The following PHKB variants were observed in gnomAD, a reference collection of about 807,000 sequenced individuals.
The protein encoded by PHKB is phosphorylase b kinase regulatory subunit beta.
A neutral mutation model predicts 152.1 loss-of-function variants in PHKB; 122 were observed. That is an observed-to-expected ratio of 0.80 (90% CI 0.69 to 0.93). The LOEUF (loss-of-function observed/expected upper bound fraction) is 0.93, where lower values mean the gene tolerates loss of function less well. PHKB is among the 40% of genes least tolerant of loss of function. The pLI is 0.00. For synonymous variants in PHKB, 436 were observed against 464.9 expected (o/e 0.94, Z 0.80); for missense variants, 1,304 against 1,328.4 (o/e 0.98, Z 0.29).
At chr16:47,587,621 A>G (rs1396979592) in intron 8 of PHKB, 47 bp from the exon 9 acceptor site, 2 of 1,421,910 alleles carry the variant, frequency 1.4e-6, no homozygotes, top group Admixed American at 1.7e-5. Flanking sequence ...AAGTTCTACA[A>G]GTCTTTTTTC....
chr16:47,662,622 C>T (rs1973463973), intron 23 of PHKB, among the ~76,000 whole-genome samples: 1 of 152,106 alleles, frequency 6.6e-6, no homozygotes, highest in Non-Finnish European at 1.5e-5. Context: ...TAAGAGATAA[C>T]CTTCTTCAGT....
At chr16:47,519,801 G>A (rs1418758588) in intron 6 of PHKB, among the ~76,000 whole-genome samples, 1 of 152,184 alleles carries the variant, frequency 6.6e-6, no homozygotes, top group Non-Finnish European at 1.5e-5. Context: ...ATTTTTAGCA[G>A]TAGTTTTTAG....
chr16:47,598,616 A>T (rs1972164751), intron 13 of PHKB: 2 of 1,191,236 alleles, frequency 1.7e-6, no homozygotes, highest in Non-Finnish European at 2.5e-6. Context: ...ATTTAATTAC[A>T]TCAGTTTCCC....
At chr16:47,605,065 G>GA (rs1392626314) in intron 13 of PHKB, among the ~76,000 whole-genome samples, 1 of 152,128 alleles carries the variant, frequency 6.6e-6, no homozygotes, top group Non-Finnish European at 1.5e-5. Context: ...ATGCAGTGGG[G>GA]AAAAAATGTG....
At chr16:47,565,135 A>C (rs1971543590) in intron 7 of PHKB, 2 of 533,892 alleles carry the variant, frequency 3.7e-6, no homozygotes, top group Non-Finnish European at 7.4e-6. Flanking sequence ...CGGAGACAGC[A>C]GCATACTTGC....
At chr16:47,623,840 G>T (rs924925822) in intron 14 of PHKB, among the ~76,000 whole-genome samples, 18 of 152,116 alleles carry the variant, frequency 1.2e-4, no homozygotes, top group African/African-American at 4.3e-4. Flanking sequence ...TTACAGGCGT[G>T]AGCCACCTCG....
chr16:47,698,516 A>G lies in PHKB; in HGVS notation c.3072A>G (p.Leu1024=). The G allele has an allele frequency of 6.2e-7, 1 of 1,611,164 alleles. No homozygotes were observed. The highest frequency in any genetic ancestry group is 8.5e-7 in the Non-Finnish European group (1 of 1,177,492). ...PELEFQDKVD[L]DRLVKEAFNE... is the part of the protein sequence containing the mutation. Reference sequence around the variant, plus strand: ...TAGAATTTCAAGACAAAGTAGATCTAGACAGACTGGTCAAAGAAGCATTTA... The same window carrying G: ...TAGAATTTCAAGACAAAGTAGATCTGGACAGACTGGTCAAAGAAGCATTTA... The change falls in exon 30 of 31, where the codon CTA becomes CTG. Residue 1024 remains leucine (L), a synonymous_variant. Transcript: ENST00000323584.
chr16:47,568,584 G>T (rs1163858250), intron 7 of PHKB, among the ~76,000 whole-genome samples: 2 of 151,880 alleles, frequency 1.3e-5, no homozygotes, highest in Non-Finnish European at 2.9e-5. Context: ...TTGGTTTGTT[G>T]TTTCTCTGGT....
Position 47,520,385 on chromosome 16 carries a change from T to C in PHKB, c.594+4784T>C, listed in dbSNP as rs367645874. 3.3e-5 allele frequency among the ~76,000 whole-genome samples: 5 copies of C among 152,368 alleles called. No individual in the cohort carries two copies. In the East Asian group the frequency reaches 7.7e-4, roughly 24 times the overall value. ...AACTCTGTCAGGTAGGTACAGTTAC[T>C]ATCTTCATTTTACAAATGACCAAAA... is the stretch of plus-strand genomic sequence containing the variant. On this transcript the variant is annotated intron_variant, in intron 6 of 30. Coordinates refer to ENST00000323584, the MANE Select transcript of PHKB (RefSeq NM_000293.3).
At chr16:47,553,530 A>C (rs1007867056) in intron 7 of PHKB, among the ~76,000 whole-genome samples, 2 of 152,050 alleles carry the variant, frequency 1.3e-5, no homozygotes, top group South Asian at 4.1e-4. Flanking sequence ...TCTGAAGCCT[A>C]CTTCTGTCAG....
intron 10 of PHKB, among the ~76,000 whole-genome samples, chr16:47,592,758 A>G (rs1277242854): frequency 6.6e-6 from 1 of 152,206 alleles, no homozygotes; most frequent in African/African-American, 2.4e-5. Flanking sequence ...GGTTCCAGGC[A>G]TTAGTAAGTA....
intron 9 of PHKB, 83 bp from the exon 10 acceptor site, chr16:47,588,822 C>A: frequency 8.3e-7 from 1 of 1,202,136 alleles, no homozygotes. Flanking sequence ...ACCTCACTGG[C>A]TTTTCATCTC....
rs550688280 is a variant in PHKB, at chr16:47,472,558, G to A, written c.76+11132G>A. ...AGCACTTTGGGAGGCCGAGACGGGCGGATCACGAGATCAGGAGATCGAGAC... is the reference window on the plus strand; with the variant it reads ...AGCACTTTGGGAGGCCGAGACGGGCAGATCACGAGATCAGGAGATCGAGAC... On this transcript the variant is annotated intron_variant, in intron 1 of 30. Coordinates refer to ENST00000323584, the MANE Select transcript of PHKB (RefSeq NM_000293.3). 1.9e-3 allele frequency among the ~76,000 whole-genome samples: 295 copies of A among 152,200 alleles called. 1 individual carries two copies. The highest frequency in any genetic ancestry group is 6.7e-3 in the African/African-American group (277 of 41,530).
At chr16:47,598,445 T>C (rs1972161839) in intron 13 of PHKB, among the ~76,000 whole-genome samples, 1 of 152,220 alleles carries the variant, frequency 6.6e-6, no homozygotes, top group Non-Finnish European at 1.5e-5. Flanking sequence ...AGAAATATCA[T>C]CTTTGAAATA....
intron 29 of PHKB, 62 bp downstream of exon 29, chr16:47,696,550 T>C (rs1974150927): frequency 2.1e-6 from 2 of 931,730 alleles, no homozygotes; most frequent in Non-Finnish European, 3.6e-6. Flanking sequence ...TGAAAACTAG[T>C]ATAAGGGAAA....
chr16:47,498,452 T>G (rs1015661269), intron 2 of PHKB, among the ~76,000 whole-genome samples: 3 of 151,570 alleles, frequency 2.0e-5, no homozygotes, highest in African/African-American at 7.3e-5. Context: ...CTGAGGCGGG[T>G]GGATCACAAG....
intron 7 of PHKB, chr16:47,562,463 C>T (rs1456632778): frequency 6.6e-6 from 1 of 152,246 alleles, no homozygotes; most frequent in African/African-American, 2.4e-5. Flanking sequence ...GCTTCTGCCT[C>T]CTCCAGCCTC....
intron 1 of PHKB, among the ~76,000 whole-genome samples, chr16:47,496,898 A>C (rs1199053854): frequency 6.6e-6 from 1 of 152,234 alleles, no homozygotes; most frequent in Admixed American, 6.5e-5. Flanking sequence ...GAATTTCAGC[A>C]TGAAACCTAG....
At chr16:47,681,040 T>C (rs1973844065) in intron 26 of PHKB, among the ~76,000 whole-genome samples, 1 of 152,208 alleles carries the variant, frequency 6.6e-6, no homozygotes, top group South Asian at 2.1e-4. Context: ...CAGTAGTCAT[T>C]CAGGAGCAGG....
Sources: allele counts gnomAD v4.1 joint callset (sites outside exome capture counted in the v4.1 genomes callset), GRCh38; gene constraint gnomAD v4.1.1; transcripts MANE v1.5; gene names NCBI Gene and HGNC (gene_info 2026-07-23, HGNC 2026-07-21).